The following DHX35 variants were observed in gnomAD, a reference collection of about 807,000 sequenced individuals.
The protein encoded by DHX35 is DEAH-box helicase 35.
A neutral mutation model predicts 99.6 loss-of-function variants in DHX35; 84 were observed. The ratio of observed to expected loss-of-function variants is 0.84; its 90% confidence interval spans 0.71 to 1.01. The LOEUF is 1.01. DHX35 is among the 50% of genes least tolerant of loss of function. DHX35 has a pLI of 0.00. For missense variants in DHX35, 852 were observed against 888.5 expected, an observed-to-expected ratio of 0.96 and a Z score of 0.52; for synonymous variants, 331 against 316.2, an observed-to-expected ratio of 1.05 and a Z score of -0.50.
chr20:39,004,418 T>C (rs549673239), intron 11 of DHX35, among the ~76,000 whole-genome samples: 2 of 152,328 alleles, frequency 1.3e-5, no homozygotes, highest in South Asian at 2.1e-4. Context: ...ACAGTAGTTA[T>C]CAGATCAGGT....
At chr20:39,034,590 ATTTTT>A (rs58827630) in intron 21 of DHX35, among the ~76,000 whole-genome samples, 1 of 136,376 alleles carries the variant, frequency 7.3e-6, no homozygotes, top group African/African-American at 2.8e-5. Flanking sequence ...CTTCCAAACT[ATTTTT>A]TTTTTTTTTT....
At chr20:38,970,895 TG>T (rs1284529634) in intron 2 of DHX35, among the ~76,000 whole-genome samples, 18 of 145,612 alleles carry the variant, frequency 1.2e-4, no homozygotes, top group African/African-American at 4.0e-4. Context: ...GAAATTAAAA[TG>T]GTAAGAAGAA....
intron 7 of DHX35, among the ~76,000 whole-genome samples, 176 bp from the exon 8 acceptor site, chr20:38,994,645 T>C (rs868540999): frequency 7.9e-5 from 8 of 101,374 alleles, no homozygotes; most frequent in South Asian, 3.9e-4. Flanking sequence ...CCCCCCCCCT[T>C]TATTGACAAT....
chr20:39,006,013 C>T, intron 11 of DHX35, 133 bp from the exon 12 acceptor site: 3 of 1,033,970 alleles, frequency 2.9e-6, no homozygotes, highest in Non-Finnish European at 4.2e-6. Context: ...AACTCACAGT[C>T]TTTCTAGTAT....
At chr20:38,983,797 G>A in intron 4 of DHX35, 21 bp downstream of exon 4, 1 of 1,601,416 alleles carries the variant, frequency 6.2e-7, no homozygotes, top group Non-Finnish European at 8.5e-7. Context: ...TTTTGTGTTG[G>A]AAAGATTCTA....
chr20:39,025,335 C>A lies in DHX35; in HGVS notation c.1777C>A (p.Gln593Lys). The A allele has an allele frequency of 6.2e-7, 1 of 1,613,816 alleles. No individual in the cohort carries two copies. Among genetic ancestry groups the A allele is most frequent in the Non-Finnish European group, 8.5e-7 (1 of 1,179,828 alleles). Residue 593 changes from glutamine to lysine, a missense_variant, in exon 18 of 22, where the codon CAA (glutamine) becomes AAA (lysine). Coordinates refer to ENST00000252011, the MANE Select transcript of DHX35 (RefSeq NM_021931.4). Reference sequence around the variant, plus strand: ...ATTGAAAAAGCTTCTTGTCAAGTTTCAAGTGCCCAGGAAGTCTAGTGAAGG... The same window carrying A: ...ATTGAAAAAGCTTCTTGTCAAGTTTAAAGTGCCCAGGAAGTCTAGTGAAGG... ...EQLKKLLVKF[Q>K]VPRKSSEGDP...
chr20:39,000,316 A>G (rs773732084), intron 8 of DHX35, among the ~76,000 whole-genome samples: 6 of 151,810 alleles, frequency 4.0e-5, no homozygotes, highest in Non-Finnish European at 8.8e-5. Context: ...TTTATGATCA[A>G]CTCTTTGCAC....
In DHX35 at chr20:38,988,794, A is replaced by C. The variant is rs982272400; in HGVS notation, c.346-19A>C. 2.5e-6 allele frequency: 4 copies of C among 1,613,224 alleles called. No homozygotes were observed. The highest frequency in any genetic ancestry group is 3.4e-6 in the Non-Finnish European group (4 of 1,179,522). ...TAATTTCTATGTCTCTATTTTCAGC[A>C]TGATCTTTCTTCCCAAAGGTTGCAG... On this transcript the variant is annotated intron_variant, in intron 4 of 21. Transcript: ENST00000252011.
intron 4 of DHX35, among the ~76,000 whole-genome samples, chr20:38,986,995 GGGGT>G (rs2086259996): frequency 1.3e-5 from 2 of 152,196 alleles, no homozygotes; most frequent in African/African-American, 2.4e-5. Context: ...TGGGGCTGCT[GGGGT>G]GGAAAGGCTG....
chr20:38,992,226 G>A (rs947369794), intron 6 of DHX35, 130 bp from the exon 7 acceptor site: 4 of 677,884 alleles, frequency 5.9e-6, no homozygotes, highest in African/African-American at 5.3e-5. Flanking sequence ...TCAAAGAAGA[G>A]TGACTTAGGT....
chr20:39,033,982 A>G (rs1259489728), intron 20 of DHX35, among the ~76,000 whole-genome samples: 1 of 152,230 alleles, frequency 6.6e-6, no homozygotes, highest in Non-Finnish European at 1.5e-5. Flanking sequence ...GAGATGTTCC[A>G]GAAGTCATTG....
At chr20:39,019,100 C>T (rs1048332900) in intron 15 of DHX35, among the ~76,000 whole-genome samples, 4 of 152,182 alleles carry the variant, frequency 2.6e-5, no homozygotes, top group Non-Finnish European at 5.9e-5. Context: ...GTGCAACCAT[C>T]AGCACCATCC....
chr20:38,976,182 A>G (rs1310557604), intron 3 of DHX35, among the ~76,000 whole-genome samples: 2 of 152,178 alleles, frequency 1.3e-5, no homozygotes, highest in Non-Finnish European at 2.9e-5. Flanking sequence ...TTGAACATTA[A>G]TAGGTTCACA....
intron 2 of DHX35, among the ~76,000 whole-genome samples, chr20:38,971,001 G>C (rs966135232): frequency 6.6e-6 from 1 of 152,168 alleles, no homozygotes; most frequent in African/African-American, 2.4e-5. Context: ...AGGAAAACAA[G>C]TTACCTCTAC....
At chr20:38,999,943 A>T (rs1181392677) in intron 8 of DHX35, among the ~76,000 whole-genome samples, 1 of 152,212 alleles carries the variant, frequency 6.6e-6, no homozygotes, top group Non-Finnish European at 1.5e-5. Flanking sequence ...TCTAGGCTAG[A>T]TGTGTGTCAC....
intron 18 of DHX35, among the ~76,000 whole-genome samples, chr20:39,025,849 A>G (rs890029905): frequency 6.6e-6 from 1 of 152,232 alleles, no homozygotes; most frequent in Non-Finnish European, 1.5e-5. Context: ...GACAGTGACT[A>G]CTATTAATCA....
chr20:39,012,289 G>A (rs531768867), intron 13 of DHX35, among the ~76,000 whole-genome samples: 2 of 152,212 alleles, frequency 1.3e-5, no homozygotes, highest in South Asian at 2.1e-4. Flanking sequence ...TGATTTGAAA[G>A]CTTATGAAAA....
At chr20:39,014,535 AG>A (rs1263579875) in intron 13 of DHX35, among the ~76,000 whole-genome samples, 3 of 152,180 alleles carry the variant, frequency 2.0e-5, no homozygotes, top group Non-Finnish European at 4.4e-5. Context: ...GTGTGGTAGA[AG>A]GTTGAGTCTG....
intron 2 of DHX35, among the ~76,000 whole-genome samples, chr20:38,970,695 T>C (rs916787054): frequency 6.6e-6 from 1 of 152,188 alleles, no homozygotes; most frequent in Non-Finnish European, 1.5e-5. Flanking sequence ...AGATCATCCA[T>C]GCAGAGCATT....
Sources: allele counts gnomAD v4.1 joint callset (sites outside exome capture counted in the v4.1 genomes callset), GRCh38; gene constraint gnomAD v4.1.1; transcripts MANE v1.5; gene names NCBI Gene and HGNC (gene_info 2026-07-23, HGNC 2026-07-21).